The following CDC25B variants were observed in gnomAD, a reference collection of about 807,000 sequenced individuals.
The protein encoded by CDC25B is M-phase inducer phosphatase 2.
In CDC25B, 33 loss-of-function variants were observed where a neutral mutation model predicts 69.8. That is an observed-to-expected ratio of 0.47 (90% CI 0.36 to 0.63). The LOEUF (loss-of-function observed/expected upper bound fraction) is 0.63. Among genes scored for constraint, CDC25B ranks in the 30% least tolerant of loss-of-function variants. The probability of loss-of-function intolerance (pLI) is 0.00; values close to 1 mark genes in which losing one functional copy is unlikely to be tolerated. For missense variants in CDC25B, 727 were observed against 809.1 expected, an observed-to-expected ratio of 0.90 and a Z score of 1.23; for synonymous variants, 341 against 314.6, an observed-to-expected ratio of 1.08 and a Z score of -0.89.
intron 7 of CDC25B, 48 bp downstream of exon 7, chr20:3,801,141 C>T (rs762250206): frequency 6.8e-6 from 11 of 1,609,562 alleles, no homozygotes; most frequent in African/African-American, 1.3e-5. Context: ...GAGGCAGCCT[C>T]GGAGAAGAGG....
rs1373210915 is a variant in CDC25B, at chr20:3,804,569, G to A, written c.1491G>A (p.Met497Ile). ...CCACACCCTGCCCATGACGCCCCAG[G>A]TGCCGTTTCATCAGGGAACGAGACC... is the stretch of plus-strand genomic sequence containing the variant. Reference protein sequence around the residue: ...CEFSSERGPRMCRFIRERDRA... With the variant: ...CEFSSERGPRICRFIRERDRA... Residue 497 changes from methionine (M) to isoleucine (I), a missense_variant and splice_region_variant, in exon 15 of 16, where the codon ATG becomes ATA. Coordinates refer to ENST00000245960, the MANE Select transcript of CDC25B (RefSeq NM_021873.4). 2 of 1,608,784 alleles carry A rather than the reference G, an allele frequency of 1.2e-6. No individual in the cohort carries two copies. Among genetic ancestry groups the A allele is most frequent in the Admixed American group, 3.3e-5 (2 of 59,980 alleles).
chr20:3,800,799 C>G lies in CDC25B; in HGVS notation c.516C>G (p.Pro172=). The G allele has an allele frequency of 1.2e-6, 2 of 1,612,702 alleles. No individual in the cohort carries two copies. Among genetic ancestry groups the G allele is most frequent in the East Asian group, 4.5e-5 (2 of 44,872 alleles). ...VLRNITNSQA[P]DGRRKSEAGS... ...GGAACATCACCAACTCCCAGGCGCC[C>G]GACGGCCGGAGGAAGAGCGAGGCGG... The change falls in exon 6 of 16, where the codon CCC becomes CCG. Residue 172 remains proline (P), a synonymous_variant. Transcript: ENST00000245960.
chr20:3,800,215 T>C, intron 3 of CDC25B, 73 bp from the exon 4 acceptor site: 1 of 1,461,150 alleles, frequency 6.8e-7, no homozygotes, highest in Non-Finnish European at 9.6e-7. Flanking sequence ...CCCCCTGGAC[T>C]GGGGGCCTGG....
At chr20:3,796,139 A>C, upstream of CDC25B, 5 of 1,082,262 alleles carry the variant, frequency 4.6e-6, no homozygotes, top group Non-Finnish European at 5.6e-6. Flanking sequence ...GATAAATCTT[A>C]ATTCCTCCGG....
At chr20:3,801,141 C>G in intron 7 of CDC25B, 48 bp downstream of exon 7, 1 of 1,609,680 alleles carries the variant, frequency 6.2e-7, no homozygotes, top group Non-Finnish European at 8.5e-7. Flanking sequence ...GAGGCAGCCT[C>G]GGAGAAGAGG....
rs910307144 is a variant in CDC25B at position 3,800,637 on chromosome 20, G to A, written c.460-106G>A. Reference sequence around the variant, plus strand: ...GGAGATGGGGTTTCAGAGGTAGGTAGGTAAGTGGGAGGAGCTGGAGGAGAG... The same window carrying A: ...GGAGATGGGGTTTCAGAGGTAGGTAAGTAAGTGGGAGGAGCTGGAGGAGAG... On this transcript the variant is annotated intron_variant, in intron 5 of 15. Coordinates refer to ENST00000245960, the MANE Select transcript of CDC25B (RefSeq NM_021873.4). The A allele has an allele frequency of 5.0e-6, 8 of 1,590,892 alleles. No individual in the cohort carries two copies. In the South Asian group the frequency reaches 7.7e-5, roughly 15 times the overall value.
At chr20:3,790,099 T>C (rs2088889406) in intron 1 of CDC25B, among the ~76,000 whole-genome samples, 1 of 151,744 alleles carries the variant, frequency 6.6e-6, no homozygotes, top group African/African-American at 2.4e-5. Flanking sequence ...GAGGCTGCAA[T>C]GAACTATGAT....
At position 3,804,618 on chromosome 20, in the gene CDC25B, C is replaced by T; in HGVS notation, c.1540C>T (p.Leu514Phe). ...RDRAVNDYPS[L>F]YYPEMYILKG... ...CCGTGCTGTCAACGACTACCCCAGC[C>T]TCTACTACCCTGAGATGTATATCCT... Residue 514 changes from leucine to phenylalanine, a missense_variant, in exon 15 of 16, where the codon CTC becomes TTC. Around this residue, in one of 2 missense-constraint regions of CDC25B, gnomAD observed 359 missense variants for 463.4 expected, o/e 0.77. Transcript: ENST00000245960. The T allele has an allele frequency of 6.2e-7, 1 of 1,614,146 alleles. No homozygotes were observed. The highest frequency in any genetic ancestry group is 8.5e-7 in the Non-Finnish European group (1 of 1,179,984).
rs1157911265 is a variant in CDC25B, at chr20:3,796,406, T to TCCC, written c.-125_-123dup. On this transcript the variant is annotated 5_prime_UTR_variant, in exon 1 of 16. Transcript: ENST00000245960. The stretch of plus-strand genomic sequence containing the variant: ...TCGCGCCTGGCCCTGTGGCTCTTCC[T>TCCC]CCCTCCCTCCTTCCCCCCCCCCCCA... 4 of 338,158 alleles carry TCCC rather than the reference T, an allele frequency of 1.2e-5. No individual in the cohort carries two copies. The highest frequency in any genetic ancestry group is 2.8e-4 in the African/African-American group (2 of 7,250). 20.9% of individuals were successfully genotyped at this position (338,158 alleles called of 1,614,324 possible). A position where few individuals can be genotyped will look rare whatever the true frequency, so the allele number is the denominator to read the frequency against.
At chr20:3,795,240 A>G (rs766923209), upstream of CDC25B, among the ~76,000 whole-genome samples, 6 of 152,068 alleles carry the variant, frequency 3.9e-5, no homozygotes, top group Non-Finnish European at 5.9e-5. Flanking sequence ...GCGCTCCTGT[A>G]GTCTCAGCTA....
Position 3,802,356 on chromosome 20 carries a change from C to G in CDC25B, c.1174C>G (p.Leu392Val). 6.2e-7 allele frequency: 1 copy of G among 1,606,902 alleles called. No individual in the cohort carries two copies. The highest frequency in any genetic ancestry group is 1.7e-5 in the Admixed American group (1 of 60,006). Residue 392 changes from leucine (L) to valine (V), a missense_variant, in exon 11 of 16, where the codon CTG becomes GTG. Leu to Val is a conservative substitution (Grantham distance 32). Transcript: ENST00000245960. ...ENLLDSDHRE[L>V]IGDYSKAFLL... ...CCTCCTGGACAGTGACCACCGAGAG[C>G]TGATTGGAGATTACTCTAAGGTACC...
rs200590307 is a variant in CDC25B at position 3,803,353 on chromosome 20, G to T, written c.1357-51G>T. On this transcript the variant is annotated intron_variant, in intron 13 of 15. Coordinates refer to ENST00000245960, the MANE Select transcript of CDC25B (RefSeq NM_021873.4). This position sits in a 1 kb window ranked among gnomAD's most constrained non-coding sequence, Gnocchi z 4.9. Reference sequence around the variant, plus strand: ...GAAGGACAGCGACTGCACGGGGAGGGCCCTGACTCCTGGACCCGGGGCTGT... The same window carrying T: ...GAAGGACAGCGACTGCACGGGGAGGTCCCTGACTCCTGGACCCGGGGCTGT... 9.2e-5 allele frequency: 149 copies of T among 1,612,834 alleles called. No individual in the cohort carries two copies. The highest frequency in any genetic ancestry group is 1.2e-4 in the Non-Finnish European group (147 of 1,179,440).
exon 1 of CDC25B, chr20:3,787,076 TGC>T: frequency 1.6e-6 from 1 of 607,204 alleles, no homozygotes; most frequent in Non-Finnish European, 2.9e-6. Flanking sequence ...CTTTTTTTTT[TGC>T]GGAACCTGAA....
chr20:3,790,599 A>G (rs1293197143), intron 1 of CDC25B, among the ~76,000 whole-genome samples: 1 of 149,840 alleles, frequency 6.7e-6, no homozygotes, highest in Non-Finnish European at 1.5e-5. Flanking sequence ...AGGCGGGTGG[A>G]TCACGAGGTC....
At chr20:3,794,047 C>T (rs1443400031), upstream of CDC25B, among the ~76,000 whole-genome samples, 1 of 145,968 alleles carries the variant, frequency 6.9e-6, no homozygotes, top group Admixed American at 6.9e-5. Flanking sequence ...TGAATAGTGC[C>T]GCAATAAACA....
At chr20:3,797,880 C>A (rs2089121793) in intron 2 of CDC25B, 131 bp downstream of exon 2, 1 of 1,092,068 alleles carries the variant, frequency 9.2e-7, no homozygotes, top group East Asian at 2.4e-5. Context: ...GGAGCCTCTC[C>A]CCCACCCTCC....
chr20:3,787,965 G>A (rs2088851794), intron 1 of CDC25B, among the ~76,000 whole-genome samples: 2 of 152,046 alleles, frequency 1.3e-5, no homozygotes, highest in Admixed American at 6.6e-5. Context: ...GTGAAACTCC[G>A]TCTCTACTAA....
chr20:3,797,594 C>T, intron 1 of CDC25B, 28 bp from the exon 2 acceptor site: 1 of 1,613,218 alleles, frequency 6.2e-7, no homozygotes, highest in South Asian at 1.1e-5. Flanking sequence ...TACCTTTCTC[C>T]TTTCCCGGGT....
At chr20:3,794,636 C>T (rs2088978626), upstream of CDC25B, among the ~76,000 whole-genome samples, 1 of 152,158 alleles carries the variant, frequency 6.6e-6, no homozygotes, top group Admixed American at 6.5e-5. Context: ...GGCATAACCC[C>T]TGACCCAGGG....
Sources: allele counts gnomAD v4.1 joint callset (sites outside exome capture counted in the v4.1 genomes callset), GRCh38; gene constraint gnomAD v4.1.1; regional missense constraint gnomAD v4.1.1; non-coding constraint Gnocchi (gnomAD v3.1); transcripts MANE v1.5; gene names NCBI Gene and HGNC (gene_info 2026-07-23, HGNC 2026-07-21).